NLN: variants seen among roughly 807,000 people sequenced by gnomAD.
NLN encodes neurolysin, mitochondrial.
In NLN, 64 loss-of-function variants were observed where a neutral mutation model predicts 79.9. The observed-to-expected ratio is 0.80, with a 90% confidence interval of 0.65 to 0.99. The LOEUF is 0.99. Ranked by LOEUF, NLN falls within the 50% of genes least tolerant of loss-of-function variation. The pLI is 0.00. For synonymous variants in NLN, 267 were observed against 296.6 expected, an observed-to-expected ratio of 0.90 and a Z score of 1.02; for missense variants, 835 against 858.7, an observed-to-expected ratio of 0.97 and a Z score of 0.34.
chr5:65,741,052 T>A (rs1758858632), intron 1 of NLN: 1 of 152,728 alleles, frequency 6.5e-6, no homozygotes, highest in Non-Finnish European at 1.5e-5. Context: ...TAATTTTGTA[T>A]TTTTAGTACA....
rs1760924610 is a variant in NLN at position 65,826,573 on chromosome 5, T to C, written c.*3658T>C. On this transcript the variant is annotated 3_prime_UTR_variant, in exon 13 of 13. Coordinates refer to ENST00000380985, the MANE Select transcript of NLN (RefSeq NM_020726.5). The stretch of plus-strand genomic sequence containing the variant: ...TCTGAAATTGGATAGCCCACTGAAA[T>C]TGAACATGCCTTCTCTTATAAATGT... 6.6e-6 allele frequency: 1 copy of C among 152,192 alleles called. No homozygotes were observed. The highest frequency in any genetic ancestry group is 1.5e-5 in the Non-Finnish European group (1 of 68,042). 9.4% of individuals were successfully genotyped at this position (152,192 alleles called of 1,614,324 possible). A position where few individuals can be genotyped will look rare whatever the true frequency, so the allele number is the denominator to read the frequency against.
chr5:65,802,665 G>A (rs1034938714), intron 9 of NLN, among the ~76,000 whole-genome samples: 6 of 152,304 alleles, frequency 3.9e-5, no homozygotes, highest in Admixed American at 6.5e-5. Flanking sequence ...ACAAGTGGAG[G>A]GTGAGCAAGG....
At chr5:65,796,382 T>C (rs1040021891) in intron 9 of NLN, among the ~76,000 whole-genome samples, 1 of 152,252 alleles carries the variant, frequency 6.6e-6, no homozygotes. Flanking sequence ...AGATCTTTTC[T>C]TGGTACTCTG....
At chr5:65,799,936 C>T (rs954731736) in intron 9 of NLN, among the ~76,000 whole-genome samples, 2 of 152,196 alleles carry the variant, frequency 1.3e-5, no homozygotes, top group South Asian at 2.1e-4. Context: ...AATACCTTGC[C>T]TTGTTATATA....
intron 1 of NLN, among the ~76,000 whole-genome samples, chr5:65,738,938 T>TATATA (rs1406669523): frequency 0.044 from 4,876 of 109,580 alleles, 541 homozygotes; most frequent in Non-Finnish European, 0.061. Flanking sequence ...GTATATATAT[T>TATATA]TTTTATATAT....
At chr5:65,743,910 T>C (rs868688090) in intron 1 of NLN, among the ~76,000 whole-genome samples, 1 of 152,212 alleles carries the variant, frequency 6.6e-6, no homozygotes, top group South Asian at 2.1e-4. Flanking sequence ...CCTTACCTCA[T>C]AGAGCTATCT....
chr5:65,745,890 G>A (rs1456502437), intron 1 of NLN, among the ~76,000 whole-genome samples: 1 of 152,188 alleles, frequency 6.6e-6, no homozygotes, highest in African/African-American at 2.4e-5. Flanking sequence ...TTGGACAACT[G>A]AGTACATACT....
chr5:65,795,385 C>A (rs1760154302), intron 9 of NLN, among the ~76,000 whole-genome samples: 1 of 152,044 alleles, frequency 6.6e-6, no homozygotes, highest in East Asian at 1.9e-4. Context: ...CAGAGCCTGT[C>A]TCAAAAAATA....
At chr5:65,760,871 A>G (rs1022172389) in intron 2 of NLN, among the ~76,000 whole-genome samples, 2 of 152,146 alleles carry the variant, frequency 1.3e-5, no homozygotes, top group Admixed American at 1.3e-4. Context: ...TTTTCTCTCA[A>G]TAGTAGATCT....
intron 4 of NLN, among the ~76,000 whole-genome samples, chr5:65,778,784 A>C (rs935461718): frequency 1.3e-5 from 2 of 152,268 alleles, no homozygotes; most frequent in Non-Finnish European, 2.9e-5. Flanking sequence ...GCTTCCTTTC[A>C]TTCCTAAAAT....
Position 65,795,881 on chromosome 5 carries a change from T to G in NLN, c.1527+3226T>G, listed in dbSNP as rs1057274313. Among the ~76,000 whole-genome samples, 6 of 152,330 alleles carry G rather than the reference T, an allele frequency of 3.9e-5. No individual in the cohort carries two copies. The South Asian group carries it at 1.2e-3, about 32-fold the overall frequency. Reference sequence around the variant, plus strand: ...TCTTAATTTTAGACTTATGGTATATTACTTATATTATCCAAAATCCAGTTA... The same window carrying G: ...TCTTAATTTTAGACTTATGGTATATGACTTATATTATCCAAAATCCAGTTA... On this transcript the variant is annotated intron_variant, in intron 9 of 12. Coordinates refer to ENST00000380985, the MANE Select transcript of NLN (RefSeq NM_020726.5).
At chr5:65,761,816 A>G (rs1301475) in intron 2 of NLN, among the ~76,000 whole-genome samples, 42,854 of 152,052 alleles carry the variant, frequency 0.28, 7,200 homozygotes, top group East Asian at 0.54. Flanking sequence ...CTTTATTTGT[A>G]ACAATGTTTT....
intron 12 of NLN, among the ~76,000 whole-genome samples, chr5:65,821,696 C>T (rs1278807968): frequency 6.6e-6 from 1 of 152,126 alleles, no homozygotes; most frequent in East Asian, 1.9e-4. Context: ...AGAGTCCAGA[C>T]TGTGAAGTTA....
At chr5:65,751,704 A>C (rs1321275336) in intron 1 of NLN, among the ~76,000 whole-genome samples, 1 of 152,226 alleles carries the variant, frequency 6.6e-6, no homozygotes, top group Middle Eastern at 3.2e-3. Flanking sequence ...CATTCCATAA[A>C]ATATTTTACA....
At chr5:65,809,376 A>G in intron 9 of NLN, 139 bp from the exon 10 acceptor site, 7 of 653,690 alleles carry the variant, frequency 1.1e-5, no homozygotes, top group Non-Finnish European at 1.8e-5. Flanking sequence ...TCACTTGACT[A>G]TGAGGTTATT....
At chr5:65,753,160 A>G (rs1561186700) in intron 1 of NLN, among the ~76,000 whole-genome samples, 1 of 152,212 alleles carries the variant, frequency 6.6e-6, no homozygotes. Context: ...TAATTACACA[A>G]TGTATACATG....
chr5:65,749,989 C>T (rs980217787), intron 1 of NLN, among the ~76,000 whole-genome samples: 1 of 152,122 alleles, frequency 6.6e-6, no homozygotes, highest in Non-Finnish European at 1.5e-5. Flanking sequence ...ATGAGCTACT[C>T]GGTAAATGAG....
chr5:65,758,888 C>CTTTAAATCA, intron 2 of NLN, 62 bp downstream of exon 2: 1 of 1,411,906 alleles, frequency 7.1e-7, no homozygotes, highest in South Asian at 1.3e-5. Flanking sequence ...TCATTTCATG[C>CTTTAAATCA]TTTCTGTCTT....
At chr5:65,803,356 A>G (rs1309611918) in intron 9 of NLN, among the ~76,000 whole-genome samples, 1 of 152,092 alleles carries the variant, frequency 6.6e-6, no homozygotes, top group Admixed American at 6.5e-5. Context: ...CTTCCCTCCC[A>G]TGCTCGTCAG....
Sources: gnomAD v4.1 joint callset for allele counts (sites outside exome capture counted in the v4.1 genomes callset) on GRCh38, gnomAD v4.1.1 for gene constraint, MANE v1.5 for transcripts, NCBI Gene and HGNC (gene_info 2026-07-23, HGNC 2026-07-21) for gene names.